Variants in PRKN observed in about 807,000 individuals in gnomAD.
PRKN encodes E3 ubiquitin-protein ligase parkin.
In PRKN, 56 loss-of-function variants were observed where a neutral mutation model predicts 59.5. That is an observed-to-expected ratio of 0.94 (90% confidence interval 0.76 to 1.18). The LOEUF is 1.18. PRKN is among the 50% of genes most tolerant of loss of function. The pLI, the probability that PRKN is intolerant of heterozygous loss-of-function variation, is 0.00. For missense variants in PRKN, 657 were observed against 596.4 expected (o/e 1.10, Z -1.06); for synonymous variants, 250 against 222.1 (o/e 1.13, Z -1.12).
At chr6:161,773,223 T>C (rs1375198560) in intron 7 of PRKN, among the ~76,000 whole-genome samples, 1 of 152,202 alleles carries the variant, frequency 6.6e-6, no homozygotes, top group East Asian at 1.9e-4. Context: ...CACTCTTGTG[T>C]ATGCATAATA....
chr6:161,365,827 G>A (rs370375363), intron 10 of PRKN, among the ~76,000 whole-genome samples: 55 of 152,216 alleles, frequency 3.6e-4, no homozygotes, highest in African/African-American at 1.2e-3. Context: ...AAGACTACCC[G>A]TGTAAACATT....
intron 7 of PRKN, among the ~76,000 whole-genome samples, chr6:161,782,379 T>G (rs1482849643): frequency 1.3e-5 from 2 of 152,292 alleles, no homozygotes; most frequent in South Asian, 4.1e-4. Flanking sequence ...ATATCATCTA[T>G]AGTATGTTTA....
intron 1 of PRKN, among the ~76,000 whole-genome samples, chr6:162,566,478 G>T (rs979098812): frequency 6.6e-6 from 1 of 152,004 alleles, no homozygotes; most frequent in Non-Finnish European, 1.5e-5. Context: ...AAAGTTCAAA[G>T]GATCATTAGT....
intron 7 of PRKN, among the ~76,000 whole-genome samples, chr6:161,649,588 A>G (rs1784077915): frequency 6.6e-6 from 1 of 152,200 alleles, no homozygotes; most frequent in African/African-American, 2.4e-5. Flanking sequence ...CCTATTTCCT[A>G]TGAAAAGGAC....
intron 1 of PRKN, among the ~76,000 whole-genome samples, chr6:162,543,908 G>C (rs1422563670): frequency 6.6e-6 from 1 of 152,128 alleles, no homozygotes; most frequent in Admixed American, 6.5e-5. Flanking sequence ...CCTAGGCCCT[G>C]GACCCTCTGA....
At position 161,547,873 on chromosome 6, in the gene PRKN, T is replaced by G. The variant is rs552961372; in HGVS notation, c.1083+981A>C. On this transcript the variant is annotated intron_variant, in intron 9 of 11. Coordinates refer to ENST00000366898, the MANE Select transcript of PRKN (RefSeq NM_004562.3). This position sits in a 1 kb window ranked among gnomAD's most constrained non-coding sequence, Gnocchi z 4.0. Reference sequence around the variant, plus strand: ...CCATGGTATCTCATTATTTTTCAACTTCCACTTCCTCTACTCCATTGCTCA... The same window carrying G: ...CCATGGTATCTCATTATTTTTCAACGTCCACTTCCTCTACTCCATTGCTCA... Among the ~76,000 whole-genome samples, 1 of 152,318 alleles carries G rather than the reference T, an allele frequency of 6.6e-6. No homozygotes were observed. Among genetic ancestry groups the G allele is most frequent in the Non-Finnish European group, 1.5e-5 (1 of 68,028 alleles).
Position 161,780,095 on chromosome 6 carries a change from G to A in PRKN, c.871+5677C>T, listed in dbSNP as rs1055889638. On this transcript the variant is annotated intron_variant, in intron 7 of 11. Coordinates refer to ENST00000366898, the MANE Select transcript of PRKN (RefSeq NM_004562.3). ...ATGTACCCTAAAGGTACTTCATAAG[G>A]CATTATTTTAATGTGTCCACATAAA... Among the ~76,000 whole-genome samples the A allele has an allele frequency of 3.3e-5, 5 of 152,138 alleles. No homozygotes were observed. In the East Asian group the frequency reaches 9.6e-4, roughly 29 times the overall value.
At chr6:161,938,659 T>A (rs1779442827) in intron 6 of PRKN, among the ~76,000 whole-genome samples, 2 of 151,922 alleles carry the variant, frequency 1.3e-5, no homozygotes, top group Non-Finnish European at 2.9e-5. Context: ...ACAAGATGAG[T>A]GGGTGTGTTA....
At position 161,526,834 on chromosome 6, in the gene PRKN, T is replaced by C. The variant is rs1779034161; in HGVS notation, c.1083+22020A>G. 6.6e-6 allele frequency among the ~76,000 whole-genome samples: 1 copy of C among 151,996 alleles called. No homozygotes were observed. Among genetic ancestry groups the C allele is most frequent in the Non-Finnish European group, 1.5e-5 (1 of 68,008 alleles). On this transcript the variant is annotated intron_variant, in intron 9 of 11. Transcript: ENST00000366898. This position sits in a 1 kb window ranked among gnomAD's most constrained non-coding sequence, Gnocchi z 4.1. ...TTTATTACATACATATGCATGAGAG[T>C]CCCTCAAAATATAAGGCTCAAAGAA...
At chr6:162,699,905 G>A (rs1275628656) in intron 1 of PRKN, among the ~76,000 whole-genome samples, 1 of 152,120 alleles carries the variant, frequency 6.6e-6, no homozygotes, top group Non-Finnish European at 1.5e-5. Context: ...ATTAACAAGA[G>A]AAAATTAAAA....
At chr6:162,339,443 T>C (rs1269232591) in intron 2 of PRKN, among the ~76,000 whole-genome samples, 2 of 141,154 alleles carry the variant, frequency 1.4e-5, no homozygotes, top group African/African-American at 5.3e-5. Context: ...GAGGGGCGCC[T>C]CTGCCCGGCG....
rs1029717786 is a variant in PRKN at position 162,051,204 on chromosome 6, G to A, written c.618+2887C>T. On this transcript the variant is annotated intron_variant, in intron 5 of 11. Coordinates refer to ENST00000366898, the MANE Select transcript of PRKN (RefSeq NM_004562.3). ...AAAGTCCACACTGCAGAAGGGATTT[G>A]TTGGGGAAGCCAGGCTGAGAAAGTT... Among the ~76,000 whole-genome samples the A allele has an allele frequency of 3.3e-5, 5 of 152,140 alleles. No individual in the cohort carries two copies. In the East Asian group the frequency reaches 9.7e-4, roughly 29 times the overall value.
chr6:161,714,751 A>G lies in PRKN; in HGVS notation c.871+71021T>C, dbSNP rs560304691. ...GTTCTCAAATGAACACACAGAGATT[A>G]GTGAATGCATTATGAAAGAATGAAG... On this transcript the variant is annotated intron_variant, in intron 7 of 11. Coordinates refer to ENST00000366898, the MANE Select transcript of PRKN (RefSeq NM_004562.3). Among the ~76,000 whole-genome samples the G allele has an allele frequency of 2.8e-4, 43 of 152,370 alleles. 1 individual carries two copies. The East Asian group carries it at 8.1e-3, about 29-fold the overall frequency.
chr6:162,649,487 C>G (rs918077959), intron 1 of PRKN, among the ~76,000 whole-genome samples: 1 of 152,104 alleles, frequency 6.6e-6, no homozygotes, highest in Non-Finnish European at 1.5e-5. Flanking sequence ...CCATCTCCCC[C>G]ACACGACCAT....
At chr6:161,781,826 T>C (rs1008873768) in intron 7 of PRKN, among the ~76,000 whole-genome samples, 1 of 152,230 alleles carries the variant, frequency 6.6e-6, no homozygotes, top group Admixed American at 6.5e-5. Context: ...ATGCTCAACT[T>C]TGTTTAAAAT....
intron 1 of PRKN, among the ~76,000 whole-genome samples, chr6:162,583,162 C>G (rs1780855300): frequency 6.6e-6 from 1 of 152,182 alleles, no homozygotes; most frequent in African/African-American, 2.4e-5. Flanking sequence ...AAGAGAACGA[C>G]CTTACCAGAC....
intron 6 of PRKN, among the ~76,000 whole-genome samples, chr6:161,847,334 G>A (rs1793242139): frequency 6.6e-6 from 1 of 152,020 alleles, no homozygotes; most frequent in South Asian, 2.1e-4. Flanking sequence ...TACTGAATGT[G>A]GGTTTGAATG....
intron 4 of PRKN, among the ~76,000 whole-genome samples, chr6:162,061,837 A>G (rs559748799): frequency 3.3e-5 from 5 of 152,350 alleles, no homozygotes; most frequent in African/African-American, 1.2e-4. Flanking sequence ...TAGACTTTCT[A>G]TAGTAGCTAC....
intron 2 of PRKN, among the ~76,000 whole-genome samples, chr6:162,345,147 C>G (rs757279857): frequency 1.3e-5 from 2 of 152,166 alleles, no homozygotes; most frequent in Non-Finnish European, 2.9e-5. Context: ...TGGAATAACT[C>G]CGAATACAAC....
Sources: allele counts gnomAD v4.1 joint callset (sites outside exome capture counted in the v4.1 genomes callset), GRCh38; gene constraint gnomAD v4.1.1; non-coding constraint Gnocchi (gnomAD v3.1); transcripts MANE v1.5; gene names NCBI Gene and HGNC (gene_info 2026-07-23, HGNC 2026-07-21).